Variants in SPTBN4 observed in about 807,000 individuals in gnomAD.
The protein encoded by SPTBN4 is spectrin beta, non-erythrocytic 4.
A neutral mutation model predicts 277.8 loss-of-function variants in SPTBN4; 96 were observed. That is an observed-to-expected ratio of 0.35 (90% CI 0.29 to 0.41). The LOEUF (loss-of-function observed/expected upper bound fraction) is 0.41, where lower values mean the gene tolerates loss of function less well. SPTBN4 is among the 10% of genes least tolerant of loss of function. The probability of loss-of-function intolerance (pLI) is 1.00; values close to 1 mark genes in which losing one functional copy is unlikely to be tolerated. For synonymous variants in SPTBN4, 1,481 were observed against 1,580.3 expected, an observed-to-expected ratio of 0.94 and a Z score of 1.49; for missense variants, 3,006 against 3,595.7, an observed-to-expected ratio of 0.84 and a Z score of 4.19.
chr19:40,473,364 T>TTTG (rs897566251), intron 2 of SPTBN4, among the ~76,000 whole-genome samples: 5 of 148,234 alleles, frequency 3.4e-5, no homozygotes, highest in African/African-American at 1.0e-4. Context: ...GTTTTTTTTT[T>TTTG]TTTTTTTTTT....
intron 12 of SPTBN4, among the ~76,000 whole-genome samples, chr19:40,505,229 A>G (rs2080311862): frequency 6.7e-6 from 1 of 150,152 alleles, no homozygotes; most frequent in Non-Finnish European, 1.5e-5. Flanking sequence ...TACAAAAAAA[A>G]AAAAAAAAAA....
intron 12 of SPTBN4, 44 bp from the exon 13 acceptor site, chr19:40,506,192 C>T (rs2080327911): frequency 1.3e-6 from 2 of 1,576,104 alleles, no homozygotes; most frequent in Non-Finnish European, 1.7e-6. Context: ...GTGAGTGGCC[C>T]AGGGCAGTGC....
At chr19:40,535,884 G>A (rs549929795) in intron 20 of SPTBN4, among the ~76,000 whole-genome samples, 2 of 152,094 alleles carry the variant, frequency 1.3e-5, no homozygotes, top group African/African-American at 4.8e-5. Flanking sequence ...TCACTTGAAC[G>A]GGGAGGCAGA....
chr19:40,528,670 C>G (rs988486511), intron 17 of SPTBN4, among the ~76,000 whole-genome samples: 1 of 152,060 alleles, frequency 6.6e-6, no homozygotes, highest in Admixed American at 6.5e-5. Flanking sequence ...TATTCTCTCT[C>G]TCGCTCTCTT....
At chr19:40,562,246 T>C (rs529269094) in intron 27 of SPTBN4, among the ~76,000 whole-genome samples, 7 of 151,968 alleles carry the variant, frequency 4.6e-5, no homozygotes, top group African/African-American at 7.2e-5. Flanking sequence ...TTGAGAAAAA[T>C]AGGCCGGGCA....
intron 2 of SPTBN4, among the ~76,000 whole-genome samples, chr19:40,482,019 C>A (rs2145814403): frequency 6.6e-6 from 1 of 152,080 alleles, no homozygotes; most frequent in East Asian, 1.9e-4. Context: ...TCACTGCAAC[C>A]TCCGCCTCCC....
At chr19:40,567,229 T>C in intron 30 of SPTBN4, 2 of 425,446 alleles carry the variant, frequency 4.7e-6, no homozygotes, top group South Asian at 3.3e-5. Context: ...GCACTGGAGG[T>C]CAAGGCTGCA....
chr19:40,531,972 G>A (rs879436567), intron 18 of SPTBN4, among the ~76,000 whole-genome samples: 2 of 151,986 alleles, frequency 1.3e-5, no homozygotes, highest in African/African-American at 4.8e-5. Flanking sequence ...TAGAACTGGG[G>A]AGCCCTGTGG....
chr19:40,571,923 GGAAGGCTCAGA>G, intron 33 of SPTBN4, 85 bp from the exon 34 acceptor site: 1 of 1,392,640 alleles, frequency 7.2e-7, no homozygotes, highest in Non-Finnish European at 9.5e-7. Flanking sequence ...TCCAGAGGTA[GGAAGGCTCAGA>G]CATATTCAGA....
At chr19:40,552,693 A>T (rs12610642) in intron 22 of SPTBN4, among the ~76,000 whole-genome samples, 21,957 of 151,978 alleles carry the variant, frequency 0.14, 1,635 homozygotes, top group Non-Finnish European at 0.16. Context: ...CAGTAGGTAG[A>T]GTTATTTAAG....
Position 40,549,319 on chromosome 19 carries a change from T to G in SPTBN4, c.4490T>G (p.Leu1497Arg), listed in dbSNP as rs2080891339. The G allele has an allele frequency of 6.5e-7, 1 of 1,538,930 alleles. No homozygotes were observed. The highest frequency in any genetic ancestry group is 1.4e-5 in the African/African-American group (1 of 72,900). ...CGGCAGAACGCGGTGGGCGAGCGCC[T>G]GGTGCGCCTGCTCGAGCCGTTGCAG... ...GERQNAVGER[L>R]VRLLEPLQER... Residue 1497 changes from leucine to arginine, a missense_variant, in exon 21 of 36, where the codon CTG becomes CGG. By Grantham distance (102) the Leu-to-Arg change is moderately radical. This residue lies in a region of SPTBN4 where 1,759 missense variants were observed against 2,061.5 expected (regional missense o/e 0.85). Transcript: ENST00000598249.
chr19:40,493,921 C>G (rs138311355), intron 5 of SPTBN4, among the ~76,000 whole-genome samples: 4 of 152,288 alleles, frequency 2.6e-5, no homozygotes, highest in African/African-American at 9.6e-5. Flanking sequence ...AGTGCTATGT[C>G]CAAGCTCTGG....
rs143497148 is a variant in SPTBN4 at position 40,479,149 on chromosome 19, G to A, written c.169+6359G>A. Among the ~76,000 whole-genome samples, 9 of 152,260 alleles carry A rather than the reference G, an allele frequency of 5.9e-5. No individual in the cohort carries two copies. The East Asian group carries it at 1.5e-3, about 26-fold the overall frequency. The stretch of plus-strand genomic sequence containing the variant: ...GTCTCACTCTGTCACCCAGGCTGGA[G>A]TGCAGTGGTGCTATCACGGCTCACT... On this transcript the variant is annotated intron_variant, in intron 2 of 35. Coordinates refer to ENST00000598249, the MANE Select transcript of SPTBN4 (RefSeq NM_020971.3).
chr19:40,507,307 C>G (rs150437622), intron 13 of SPTBN4, among the ~76,000 whole-genome samples: 1 of 151,422 alleles, frequency 6.6e-6, no homozygotes, highest in Non-Finnish European at 1.5e-5. Context: ...TGGACTGAGA[C>G]CCTGTCAGCA....
In SPTBN4 at chr19:40,512,816, C is replaced by A. The variant is rs779051337; in HGVS notation, c.2027C>A (p.Ala676Glu). Residue 676 changes from alanine (A) to glutamate (E), a missense_variant, in exon 14 of 36, where the codon GCG (alanine) becomes GAG (glutamate). This residue lies in a region of SPTBN4 where 1,759 missense variants were observed against 2,061.5 expected (regional missense o/e 0.85). Transcript: ENST00000598249. ...GAGGCTGCGGGCGGCGGCGGTGCGG[C>A]GGGCGCAGCGGGCGCAGCGGGAACA... ...LLEAAGGGGA[A>E]GAAGAAGTAG... is the part of the protein sequence containing the mutation. 25 of 1,441,518 alleles carry A rather than the reference C, an allele frequency of 1.7e-5. 1 individual carries two copies. In the South Asian group the frequency reaches 1.7e-4, roughly 10 times the overall value. 89.3% of individuals were successfully genotyped at this position (1,441,518 alleles called of 1,614,324 possible). A position where few individuals can be genotyped will look rare whatever the true frequency, so the allele number is the denominator to read the frequency against.
Position 40,519,821 on chromosome 19 carries a change from G to T in SPTBN4, c.3324G>T (p.Gln1108His). 1 of 1,434,198 alleles carries T rather than the reference G, an allele frequency of 7.0e-7. No individual in the cohort carries two copies. The allele number at this position is 1,434,198 out of a possible 1,614,324, so 88.8% of individuals were successfully genotyped here. ...TCCTGGACTGGCTCGTGCGCGCCCA[G>T]GAGGCGGCGGGCGGCAGCGAGGGGC... The part of the protein sequence containing the change: ...DAFLDWLVRA[Q>H]EAAGGSEGPL... Residue 1108 changes from glutamine (Q) to histidine (H), a missense_variant, in exon 16 of 36, where the codon CAG (glutamine) becomes CAT (histidine). Physicochemically the swap from Gln to His is conservative, Grantham distance 24 (BLOSUM62 0). Around this residue, in one of 5 missense-constraint regions of SPTBN4, gnomAD observed 1,759 missense variants for 2,061.5 expected, o/e 0.85. Coordinates refer to ENST00000598249, the MANE Select transcript of SPTBN4 (RefSeq NM_020971.3). The surrounding 1 kb of genome is among the most constrained non-coding windows in gnomAD (Gnocchi z 5.7).
intron 17 of SPTBN4, among the ~76,000 whole-genome samples, chr19:40,526,451 C>T (rs1022876913): frequency 1.3e-5 from 2 of 152,070 alleles, no homozygotes; most frequent in Non-Finnish European, 2.9e-5. Context: ...GGATTACAGG[C>T]GTGAGCCACC....
intron 12 of SPTBN4, among the ~76,000 whole-genome samples, chr19:40,505,549 C>T (rs1214189846): frequency 1.3e-5 from 2 of 151,820 alleles, no homozygotes; most frequent in African/African-American, 4.8e-5. Flanking sequence ...AAAAATTAGC[C>T]GGGCGAAGTA....
At chr19:40,568,917 G>T (rs2081122994) in intron 31 of SPTBN4, among the ~76,000 whole-genome samples, 1 of 152,156 alleles carries the variant, frequency 6.6e-6, no homozygotes, top group South Asian at 2.1e-4. Flanking sequence ...AACATTTGCT[G>T]AGTGCCCACT....
Sources: gnomAD v4.1 joint callset for allele counts (sites outside exome capture counted in the v4.1 genomes callset) on GRCh38, gnomAD v4.1.1 for gene constraint, gnomAD v4.1.1 regional missense constraint, Gnocchi (gnomAD v3.1) non-coding constraint, MANE v1.5 for transcripts, NCBI Gene and HGNC (gene_info 2026-07-23, HGNC 2026-07-21) for gene names.